Variants in ERBB4 observed in about 807,000 individuals in gnomAD.
ERBB4 encodes erb-b2 receptor tyrosine kinase 4, also known as receptor tyrosine-protein kinase erbB-4.
A neutral mutation model predicts 158.0 loss-of-function variants in ERBB4; 42 were observed. The ratio of observed to expected loss-of-function variants is 0.27; its 90% CI spans 0.21 to 0.34. The LOEUF (loss-of-function observed/expected upper bound fraction) is 0.34. ERBB4 is among the 10% of genes least tolerant of loss of function. The pLI is 1.00. For missense variants in ERBB4, 1,333 were observed against 1,624.1 expected (o/e 0.82, Z 3.08); for synonymous variants, 583 against 558.7 (o/e 1.04, Z -0.61).
At chr2:212,160,081 T>C (rs1400593650) in intron 1 of ERBB4, among the ~76,000 whole-genome samples, 1 of 152,000 alleles carries the variant, frequency 6.6e-6, no homozygotes, top group Non-Finnish European at 1.5e-5. Context: ...TCATTAATCA[T>C]CCTATTCTCC....
At chr2:211,491,341 G>C (rs2065336854) in intron 20 of ERBB4, among the ~76,000 whole-genome samples, 1 of 152,016 alleles carries the variant, frequency 6.6e-6, no homozygotes, top group African/African-American at 2.4e-5. Flanking sequence ...GCAGAATCAG[G>C]ATAGGTATCA....
chr2:211,867,775 G>C (rs1427519090), intron 3 of ERBB4, among the ~76,000 whole-genome samples: 1 of 151,974 alleles, frequency 6.6e-6, no homozygotes, highest in Non-Finnish European at 1.5e-5. Context: ...AAATCTTTGT[G>C]GAACAACTTA....
chr2:211,716,472 CG>C (rs1474647344), intron 7 of ERBB4, among the ~76,000 whole-genome samples: 17 of 149,890 alleles, frequency 1.1e-4, no homozygotes, highest in Admixed American at 9.3e-4. Flanking sequence ...GTCAGGAGAT[CG>C]AGACCATCCC....
chr2:212,446,631 A>G (rs1179426802), intron 1 of ERBB4, among the ~76,000 whole-genome samples: 1 of 88,324 alleles, frequency 1.1e-5, no homozygotes, highest in Non-Finnish European at 2.4e-5. Context: ...ATATATATAT[A>G]TATATATCCT....
At chr2:211,950,071 C>A (rs1398171741) in intron 2 of ERBB4, among the ~76,000 whole-genome samples, 1 of 152,098 alleles carries the variant, frequency 6.6e-6, no homozygotes, top group Non-Finnish European at 1.5e-5. Flanking sequence ...TGTACAATGC[C>A]TGTGGAGTGA....
chr2:211,499,353 T>A (rs950037877), intron 20 of ERBB4, among the ~76,000 whole-genome samples: 2 of 151,906 alleles, frequency 1.3e-5, no homozygotes, highest in Non-Finnish European at 2.9e-5. Flanking sequence ...TGAAACCCCA[T>A]CTCTACTAAA....
intron 1 of ERBB4, among the ~76,000 whole-genome samples, chr2:212,132,168 T>C (rs1446561382): frequency 6.6e-6 from 1 of 152,172 alleles, no homozygotes; most frequent in African/African-American, 2.4e-5. Context: ...AGACTTCACT[T>C]TTTCTTCTGG....
chr2:212,507,216 A>T (rs1201615146), intron 1 of ERBB4, among the ~76,000 whole-genome samples: 1 of 152,164 alleles, frequency 6.6e-6, no homozygotes, highest in Non-Finnish European at 1.5e-5. Flanking sequence ...CTCAGAAAAA[A>T]AAAAAAAGAT....
chr2:211,650,595 T>A (rs1229184653), intron 16 of ERBB4, among the ~76,000 whole-genome samples: 4 of 152,238 alleles, frequency 2.6e-5, no homozygotes, highest in African/African-American at 9.6e-5. Context: ...ATATGCAATA[T>A]CATTCCCTCT....
intron 4 of ERBB4, among the ~76,000 whole-genome samples, chr2:211,766,903 T>A (rs1439919003): frequency 1.3e-5 from 2 of 152,190 alleles, no homozygotes; most frequent in African/African-American, 4.8e-5. Flanking sequence ...AGACTGGTCA[T>A]GTCGGCCTTG....
intron 1 of ERBB4, among the ~76,000 whole-genome samples, chr2:212,372,626 G>A (rs2090127562): frequency 6.6e-6 from 1 of 152,162 alleles, no homozygotes; most frequent in South Asian, 2.1e-4. Flanking sequence ...GTGTGCACCT[G>A]TAGTCCCAGG....
intron 12 of ERBB4, among the ~76,000 whole-genome samples, chr2:211,693,363 TTGAA>T (rs1413768665): frequency 1.6e-4 from 24 of 152,316 alleles, no homozygotes; most frequent in Non-Finnish European, 1.5e-5. Context: ...CTTTATTTTA[TTGAA>T]TATGTTATTG....
intron 14 of ERBB4, among the ~76,000 whole-genome samples, chr2:211,669,217 A>T (rs1279292190): frequency 1.3e-5 from 1 of 75,910 alleles, no homozygotes; most frequent in Non-Finnish European, 2.4e-5. Flanking sequence ...AGTGAGTCTC[A>T]AAAAAAAAAA....
intron 2 of ERBB4, among the ~76,000 whole-genome samples, chr2:212,040,263 T>C (rs2077107299): frequency 6.6e-6 from 1 of 152,094 alleles, no homozygotes; most frequent in African/African-American, 2.4e-5. Context: ...GTTTAATTTT[T>C]TCTGATGGAA....
At chr2:211,470,107 TA>T (rs34750261) in intron 20 of ERBB4, among the ~76,000 whole-genome samples, 4 of 150,842 alleles carry the variant, frequency 2.7e-5, no homozygotes, top group Admixed American at 6.6e-5. Context: ...ATTTCTCGCT[TA>T]AAAAAAAAGG....
chr2:211,862,388 G>A (rs1029293239), intron 3 of ERBB4, among the ~76,000 whole-genome samples: 43 of 151,954 alleles, frequency 2.8e-4, no homozygotes, highest in Non-Finnish European at 5.1e-4. Flanking sequence ...TAATTCAGTA[G>A]AGAATATATG....
intron 3 of ERBB4, among the ~76,000 whole-genome samples, chr2:211,941,132 G>A (rs74403898): frequency 0.027 from 4,067 of 152,014 alleles, 190 homozygotes; most frequent in African/African-American, 0.093. Context: ...TCTAAAAATG[G>A]ACTCTTCCGA....
intron 1 of ERBB4, among the ~76,000 whole-genome samples, chr2:212,225,646 TTA>T (rs2083446153): frequency 1.6e-5 from 2 of 122,408 alleles, no homozygotes; most frequent in Middle Eastern, 4.2e-3. Flanking sequence ...TATTTATATA[TTA>T]TATCACATAA....
intron 1 of ERBB4, among the ~76,000 whole-genome samples, chr2:212,520,617 T>G (rs1464800187): frequency 3.3e-5 from 5 of 151,888 alleles, no homozygotes. Context: ...TCTAAAAAAA[T>G]AGCTTTCATT....
Sources: gnomAD v4.1 joint callset for allele counts (sites outside exome capture counted in the v4.1 genomes callset) on GRCh38, gnomAD v4.1.1 for gene constraint, MANE v1.5 for transcripts, NCBI Gene and HGNC (gene_info 2026-07-23, HGNC 2026-07-21) for gene names.